The following DRC1 variants were observed in gnomAD, a reference collection of about 807,000 sequenced individuals.
DRC1 encodes the protein dynein regulatory complex subunit 1.
Under a neutral mutation model 98.7 loss-of-function variants are expected in DRC1, and 74 were observed. The ratio of observed to expected loss-of-function variants is 0.75; its 90% CI spans 0.62 to 0.91. DRC1 has a LOEUF of 0.91. DRC1 is among the 40% of genes least tolerant of loss of function. The pLI, the probability that DRC1 is intolerant of heterozygous loss-of-function variation, is 0.00. For synonymous variants in DRC1, 336 were observed against 334.1 expected, an observed-to-expected ratio of 1.01 and a Z score of -0.06; for missense variants, 875 against 886.0, an observed-to-expected ratio of 0.99 and a Z score of 0.16.
chr2:26,432,388 A>G (rs1483186995), intron 7 of DRC1, among the ~76,000 whole-genome samples: 1 of 152,082 alleles, frequency 6.6e-6, no homozygotes, highest in African/African-American at 2.4e-5. Flanking sequence ...AGTCCCAGCT[A>G]CTCAGGAGGC....
At chr2:26,418,553 ATAAT>A (rs1678893455) in intron 2 of DRC1, among the ~76,000 whole-genome samples, 2 of 111,774 alleles carry the variant, frequency 1.8e-5, no homozygotes, top group Admixed American at 1.2e-4. Flanking sequence ...TAAATTATAT[ATAAT>A]TTATATATAA....
chr2:26,418,017 T>G (rs1678868816), intron 2 of DRC1, among the ~76,000 whole-genome samples: 1 of 148,096 alleles, frequency 6.8e-6, no homozygotes, highest in South Asian at 2.1e-4. Flanking sequence ...ATGCTCCAGC[T>G]CATTTAATGA....
At chr2:26,407,492 G>A (rs1352573319) in intron 1 of DRC1, among the ~76,000 whole-genome samples, 1 of 152,112 alleles carries the variant, frequency 6.6e-6, no homozygotes, top group East Asian at 1.9e-4. Flanking sequence ...CTCTGTGGCC[G>A]AGAGACCTCA....
chr2:26,427,147 C>T (rs1385677489), intron 4 of DRC1, among the ~76,000 whole-genome samples: 1 of 151,842 alleles, frequency 6.6e-6, no homozygotes, highest in East Asian at 1.9e-4. Context: ...GACAGAGTCT[C>T]GCTCTGTCAC....
At chr2:26,419,735 G>A (rs1237916428) in intron 2 of DRC1, among the ~76,000 whole-genome samples, 1 of 152,132 alleles carries the variant, frequency 6.6e-6, no homozygotes, top group East Asian at 1.9e-4. Flanking sequence ...AAAAAGACTT[G>A]AAAAAACTTA....
At chr2:26,447,413 A>G (rs1663884542) in intron 10 of DRC1, among the ~76,000 whole-genome samples, 1 of 152,208 alleles carries the variant, frequency 6.6e-6, no homozygotes, top group Non-Finnish European at 1.5e-5. Flanking sequence ...ACTCTGTCTC[A>G]ATAAATAAAC....
intron 1 of DRC1, 23 bp downstream of exon 1, chr2:26,402,167 C>T (rs535392898): frequency 8.4e-6 from 13 of 1,555,540 alleles, no homozygotes; most frequent in Non-Finnish European, 1.1e-5. Context: ...GCGGGCGGGG[C>T]GGGATCCGCG....
intron 10 of DRC1, among the ~76,000 whole-genome samples, chr2:26,445,666 T>C (rs1663831565): frequency 6.6e-6 from 1 of 152,026 alleles, no homozygotes; most frequent in South Asian, 2.1e-4. Flanking sequence ...ATTTATTTAT[T>C]TATTTATTTT....
chr2:26,450,189 G>A (rs573853233), intron 12 of DRC1, 104 bp downstream of exon 12: 56 of 1,104,100 alleles, frequency 5.1e-5, no homozygotes, highest in Middle Eastern at 2.8e-4. Flanking sequence ...AGGGTCTCCC[G>A]GGGCTTCCCC....
intron 7 of DRC1, among the ~76,000 whole-genome samples, chr2:26,435,678 G>T (rs1056023443): frequency 1.3e-5 from 2 of 151,604 alleles, no homozygotes; most frequent in African/African-American, 2.4e-5. Flanking sequence ...TTGGTTTTCT[G>T]TTCCTATGTT....
chr2:26,405,270 C>T (rs932084225), intron 1 of DRC1, among the ~76,000 whole-genome samples: 3 of 152,112 alleles, frequency 2.0e-5, no homozygotes, highest in African/African-American at 7.2e-5. Flanking sequence ...ATTTTGTAAG[C>T]CATCTTTAAA....
At chr2:26,408,882 C>G (rs138839473) in intron 1 of DRC1, among the ~76,000 whole-genome samples, 3,014 of 152,154 alleles carry the variant, frequency 0.02, 137 homozygotes, top group East Asian at 0.11. Context: ...TAAGCCACAC[C>G]CTTGTACTCA....
At chr2:26,439,934 T>TATATATATATATATATATATATACAC (rs1017038187) in intron 7 of DRC1, among the ~76,000 whole-genome samples, 1 of 111,662 alleles carries the variant, frequency 9.0e-6, no homozygotes, top group African/African-American at 4.1e-5. Flanking sequence ...TATATATATA[T>TATATATATATATATATATATATACAC]ATACACACAC....
At chr2:26,427,496 C>A (rs1028321965) in intron 4 of DRC1, among the ~76,000 whole-genome samples, 5 of 151,996 alleles carry the variant, frequency 3.3e-5, no homozygotes, top group African/African-American at 7.2e-5. Flanking sequence ...TTGATACAGC[C>A]ATACAATGTG....
chr2:26,427,027 A>G (rs1663302289), intron 4 of DRC1, among the ~76,000 whole-genome samples: 1 of 152,192 alleles, frequency 6.6e-6, no homozygotes, highest in Non-Finnish European at 1.5e-5. Context: ...TTGGTGCTAT[A>G]GTAAATGGAT....
chr2:26,434,815 A>C (rs966999822), intron 7 of DRC1, among the ~76,000 whole-genome samples: 4 of 150,788 alleles, frequency 2.7e-5, no homozygotes, highest in African/African-American at 4.9e-5. Context: ...GGTGTGAACC[A>C]GGGAGGCGGA....
intron 1 of DRC1, among the ~76,000 whole-genome samples, chr2:26,413,894 G>A (rs1291054970): frequency 6.6e-6 from 1 of 151,814 alleles, no homozygotes; most frequent in Non-Finnish European, 1.5e-5. Context: ...TACTTCTAGT[G>A]TTTTTATGAT....
At chr2:26,416,650 C>T (rs1678815345) in intron 2 of DRC1, among the ~76,000 whole-genome samples, 1 of 151,814 alleles carries the variant, frequency 6.6e-6, no homozygotes, top group Non-Finnish European at 1.5e-5. Context: ...TTTAGTTGAC[C>T]CAGCACCGTT....
chr2:26,438,854 T>C (rs2147996858), intron 7 of DRC1, among the ~76,000 whole-genome samples: 1 of 152,302 alleles, frequency 6.6e-6, no homozygotes, highest in South Asian at 2.1e-4. Context: ...GGCAGTTTTA[T>C]TGAGTTTCTG....
Sources: gnomAD v4.1 joint callset for allele counts (sites outside exome capture counted in the v4.1 genomes callset) on GRCh38, gnomAD v4.1.1 for gene constraint, MANE v1.5 for transcripts, NCBI Gene and HGNC (gene_info 2026-07-23, HGNC 2026-07-21) for gene names.